The following TYW1 variants were observed in gnomAD, a reference collection of about 807,000 sequenced individuals.
TYW1 encodes tRNA-yW synthesizing protein 1 homolog.
In TYW1, 46 loss-of-function variants were observed where a neutral mutation model predicts 96.2. That is an observed-to-expected ratio of 0.48 (90% CI 0.38 to 0.61). The LOEUF is 0.61. TYW1 is among the 20% of genes least tolerant of loss of function. The probability of loss-of-function intolerance (pLI) is 0.00; values close to 1 mark genes in which losing one functional copy is unlikely to be tolerated. For missense variants in TYW1, 684 were observed against 909.6 expected, an observed-to-expected ratio of 0.75 and a Z score of 3.19; for synonymous variants, 274 against 323.0, an observed-to-expected ratio of 0.85 and a Z score of 1.63.
At chr7:67,231,194 T>A (rs1488730069) in intron 15 of TYW1, among the ~76,000 whole-genome samples, 1 of 152,238 alleles carries the variant, frequency 6.6e-6, no homozygotes, top group African/African-American at 2.4e-5. Context: ...TAGATTTCTG[T>A]GTTATTTCGC....
rs532795898 is a variant in TYW1 at position 67,094,852 on chromosome 7, A to T, written c.1385-3689A>T. ...TTTTATTTTGGACAGATCATTCTCT[A>T]TCTATGAGGAACATCTGAATCCCTA... is the stretch of plus-strand genomic sequence containing the variant. On this transcript the variant is annotated intron_variant, in intron 11 of 15. Transcript: ENST00000359626. Among the ~76,000 whole-genome samples the T allele has an allele frequency of 2.0e-5, 3 of 152,182 alleles. No individual in the cohort carries two copies. In the South Asian group the frequency reaches 6.2e-4, roughly 32 times the overall value.
chr7:67,116,408 G>A (rs897173900), intron 12 of TYW1, among the ~76,000 whole-genome samples: 1 of 151,542 alleles, frequency 6.6e-6, no homozygotes, highest in Non-Finnish European at 1.5e-5. Context: ...TAGTAGGGTC[G>A]GGTGCAGTGG....
At chr7:67,198,008 C>A (rs10235708) in intron 15 of TYW1, among the ~76,000 whole-genome samples, 28,502 of 135,068 alleles carry the variant, frequency 0.21, 3,592 homozygotes, top group Middle Eastern at 0.26. Flanking sequence ...TTTCTGAACC[C>A]TTTGAGGAAA....
intron 13 of TYW1, among the ~76,000 whole-genome samples, chr7:67,136,685 G>GTGTA (rs1554373539): frequency 6.5e-5 from 8 of 122,264 alleles, no homozygotes; most frequent in Non-Finnish European, 1.0e-4. Context: ...GTGTGTGTGT[G>GTGTA]TATATATATA....
intron 15 of TYW1, among the ~76,000 whole-genome samples, chr7:67,230,368 T>TTTGA (rs1801710960): frequency 1.7e-5 from 2 of 114,312 alleles, no homozygotes; most frequent in African/African-American, 7.6e-5. Context: ...TTTTCCTTTC[T>TTTGA]TGGATACAGT....
chr7:67,124,098 A>G (rs1398229614), intron 13 of TYW1, among the ~76,000 whole-genome samples: 1 of 152,252 alleles, frequency 6.6e-6, no homozygotes, highest in African/African-American at 2.4e-5. Context: ...GAACATAGAT[A>G]TTGAAGAAAA....
intron 13 of TYW1, among the ~76,000 whole-genome samples, chr7:67,138,583 A>G (rs1437810255): frequency 6.6e-6 from 1 of 151,804 alleles, no homozygotes; most frequent in Non-Finnish European, 1.5e-5. Context: ...CATTTTTTCT[A>G]TTTTTTGTAC....
At chr7:67,184,969 A>G (rs1237446095) in intron 14 of TYW1, among the ~76,000 whole-genome samples, 2 of 151,848 alleles carry the variant, frequency 1.3e-5, no homozygotes, top group African/African-American at 4.8e-5. Context: ...CAGCCTCCCA[A>G]AGTGCTGAGA....
intron 12 of TYW1, among the ~76,000 whole-genome samples, chr7:67,102,413 C>T (rs1037425280): frequency 2.0e-5 from 3 of 152,052 alleles, no homozygotes; most frequent in African/African-American, 7.2e-5. Flanking sequence ...TTGCCATCTT[C>T]AACAAACAAA....
chr7:67,016,253 A>G (rs1224815396), intron 5 of TYW1, among the ~76,000 whole-genome samples: 1 of 127,744 alleles, frequency 7.8e-6, no homozygotes, highest in African/African-American at 2.8e-5. Context: ...AGTTTTTTTT[A>G]AAAGCTGTTT....
intron 13 of TYW1, among the ~76,000 whole-genome samples, chr7:67,167,831 T>A (rs1799393967): frequency 6.6e-6 from 1 of 152,068 alleles, no homozygotes; most frequent in Non-Finnish European, 1.5e-5. Context: ...CTCAGTTCAC[T>A]GCAACCTCTG....
At chr7:67,105,083 AG>A (rs1335407307) in intron 12 of TYW1, among the ~76,000 whole-genome samples, 1 of 152,242 alleles carries the variant, frequency 6.6e-6, no homozygotes, top group Non-Finnish European at 1.5e-5. Context: ...AAGAGCAGCG[AG>A]GGGGGCAAGC....
chr7:67,168,262 A>G (rs1415160680), intron 13 of TYW1, among the ~76,000 whole-genome samples: 1 of 152,132 alleles, frequency 6.6e-6, no homozygotes, highest in Non-Finnish European at 1.5e-5. Context: ...CAATAAACTC[A>G]TCTTGGTTAC....
In TYW1 at chr7:67,103,324, A is replaced by G. The variant is rs111732858; in HGVS notation, c.1562+4606A>G. Among the ~76,000 whole-genome samples, 352 of 152,334 alleles carry G rather than the reference A, an allele frequency of 2.3e-3. 1 individual carries two copies. The highest frequency in any genetic ancestry group is 8.0e-3 in the African/African-American group (331 of 41,582). ...GAATAATGTGTGTCCAAATGTTAGG[A>G]AGTCCTAAGTATAAGACAACCCTCC... On this transcript the variant is annotated intron_variant, in intron 12 of 15. Coordinates refer to ENST00000359626, the MANE Select transcript of TYW1 (RefSeq NM_018264.4).
intron 13 of TYW1, among the ~76,000 whole-genome samples, chr7:67,128,872 A>G (rs1752511244): frequency 6.6e-6 from 1 of 152,008 alleles, no homozygotes; most frequent in African/African-American, 2.4e-5. Flanking sequence ...TATTTTTACT[A>G]GATACGGGGT....
chr7:67,100,850 C>CAAAAAAAA (rs57665696), intron 12 of TYW1, among the ~76,000 whole-genome samples: 2 of 75,624 alleles, frequency 2.6e-5, no homozygotes, highest in Non-Finnish European at 2.5e-5. Context: ...GGCTACAGAG[C>CAAAAAAAA]AAAAAAAAAA....
chr7:67,205,931 A>G (rs1189672225), intron 15 of TYW1, among the ~76,000 whole-genome samples: 3 of 152,218 alleles, frequency 2.0e-5, no homozygotes, highest in Non-Finnish European at 4.4e-5. Context: ...GCCCCTAGCC[A>G]GTGTGCCTTC....
At chr7:67,086,996 T>C (rs1384335067) in intron 11 of TYW1, among the ~76,000 whole-genome samples, 2 of 152,312 alleles carry the variant, frequency 1.3e-5, no homozygotes, top group African/African-American at 2.4e-5. Context: ...TCTCCCTGAA[T>C]GAACTGTGTC....
At chr7:67,036,292 C>A (rs1172274338) in intron 7 of TYW1, among the ~76,000 whole-genome samples, 1 of 151,348 alleles carries the variant, frequency 6.6e-6, no homozygotes. Context: ...GAGTGCATAC[C>A]AATTATACAT....
Sources: gnomAD v4.1 joint callset for allele counts (sites outside exome capture counted in the v4.1 genomes callset) on GRCh38, gnomAD v4.1.1 for gene constraint, MANE v1.5 for transcripts, NCBI Gene and HGNC (gene_info 2026-07-23, HGNC 2026-07-21) for gene names.